KLF12: variants seen among roughly 807,000 people sequenced by gnomAD.
KLF12 encodes the protein Krueppel-like factor 12.
KLF12 carries 9 observed loss-of-function variants against 37.8 expected under a neutral mutation model. The ratio of observed to expected loss-of-function variants is 0.24; its 90% CI spans 0.14 to 0.42. KLF12 has a LOEUF of 0.42. Among genes scored for constraint, KLF12 ranks in the 10% least tolerant of loss-of-function variants. The pLI is 1.00. For synonymous variants in KLF12, 208 were observed against 202.1 expected (o/e 1.03, Z -0.25); for missense variants, 411 against 516.0 (o/e 0.80, Z 1.97).
chr13:74,020,432 G>A (rs936119546), intron 1 of KLF12, among the ~76,000 whole-genome samples: 1 of 152,176 alleles, frequency 6.6e-6, no homozygotes, highest in African/African-American at 2.4e-5. Flanking sequence ...CGAATAGGAA[G>A]CTTGACAAAA....
chr13:74,224,593 T>C, the KLF12 span, among the ~76,000 whole-genome samples: 58 of 152,320 alleles, frequency 3.8e-4, 1 homozygote, highest in Middle Eastern at 3.4e-3. Context: ...TTGTAGCATA[T>C]AATTGCTTGG....
intron 5 of KLF12, among the ~76,000 whole-genome samples, chr13:73,775,138 G>A (rs193183958): frequency 4.6e-5 from 7 of 152,082 alleles, no homozygotes; most frequent in South Asian, 4.2e-4. Context: ...GGCTGGGCTC[G>A]AACTCCTGAC....
chr13:74,161,535 A>T, the KLF12 span, among the ~76,000 whole-genome samples: 4 of 152,168 alleles, frequency 2.6e-5, no homozygotes, highest in Non-Finnish European at 5.9e-5. Context: ...GGAGGAAGAC[A>T]TGGAACAGAT....
chr13:73,828,872 G>A lies in KLF12; in HGVS notation c.671-15585C>T, dbSNP rs75875588. The stretch of plus-strand genomic sequence containing the variant: ...TGTCGAATCTATCTACCAGGATACA[G>A]TATGCCCTTTTGTATTTCCAAGAGT... On this transcript the variant is annotated intron_variant, in intron 4 of 7. Coordinates refer to ENST00000377669, the MANE Select transcript of KLF12 (RefSeq NM_007249.5). 8.5e-3 allele frequency among the ~76,000 whole-genome samples: 1,266 copies of A among 149,820 alleles called. 19 individuals are homozygous for A. Among genetic ancestry groups the A allele is most frequent in the African/African-American group, 0.029 (1,193 of 40,940 alleles).
chr13:73,799,648 A>G (rs9573292), intron 5 of KLF12, among the ~76,000 whole-genome samples: 74,450 of 151,834 alleles, frequency 0.49, 18,489 homozygotes, highest in East Asian at 0.64. Flanking sequence ...AATGTACCCA[A>G]TAAAAGATGA....
chr13:73,972,749 A>G (rs1391110353), intron 2 of KLF12, among the ~76,000 whole-genome samples: 1 of 150,756 alleles, frequency 6.6e-6, no homozygotes, highest in Non-Finnish European at 1.5e-5. Context: ...GCCCTTCTGC[A>G]CTCTAAAGAC....
intron 6 of KLF12, among the ~76,000 whole-genome samples, chr13:73,749,337 T>C (rs1878584855): frequency 6.6e-6 from 1 of 152,228 alleles, no homozygotes; most frequent in African/African-American, 2.4e-5. Flanking sequence ...TTAAATCTCA[T>C]TCTAAATCCT....
the KLF12 span, among the ~76,000 whole-genome samples, chr13:74,267,340 C>A: frequency 1.3e-5 from 2 of 152,156 alleles, no homozygotes; most frequent in Admixed American, 6.5e-5. Flanking sequence ...GATGTGGAAG[C>A]AAACTAAGTG....
At chr13:73,920,767 G>A (rs1889076992) in intron 3 of KLF12, among the ~76,000 whole-genome samples, 1 of 151,800 alleles carries the variant, frequency 6.6e-6, no homozygotes, top group African/African-American at 2.4e-5. Flanking sequence ...TCTCCTGTTG[G>A]GGTTCAGAAA....
intron 5 of KLF12, among the ~76,000 whole-genome samples, chr13:73,767,966 C>T (rs2138095624): frequency 6.6e-6 from 1 of 152,286 alleles, no homozygotes; most frequent in African/African-American, 2.4e-5. Flanking sequence ...ATCATCAGCA[C>T]TCATGAATTG....
At chr13:73,840,286 T>C (rs539335022) in intron 4 of KLF12, among the ~76,000 whole-genome samples, 1 of 152,256 alleles carries the variant, frequency 6.6e-6, no homozygotes, top group South Asian at 2.1e-4. Context: ...CCTCTTCACT[T>C]TCTAACCTCA....
chr13:74,151,870 A>G, the KLF12 span, among the ~76,000 whole-genome samples: 1 of 152,182 alleles, frequency 6.6e-6, no homozygotes, highest in African/African-American at 2.4e-5. Flanking sequence ...AAAGTAACCA[A>G]CCAAAAATAA....
chr13:74,217,165 C>CT, the KLF12 span, among the ~76,000 whole-genome samples: 1,802 of 151,774 alleles, frequency 0.012, 41 homozygotes, highest in African/African-American at 0.041. Flanking sequence ...TTAGATGATT[C>CT]TTTTTTTTGA....
chr13:73,788,311 A>G (rs1013689759), intron 5 of KLF12, among the ~76,000 whole-genome samples: 1 of 152,210 alleles, frequency 6.6e-6, no homozygotes, highest in African/African-American at 2.4e-5. Flanking sequence ...TACAGTAGGG[A>G]ATCTGAGGAG....
At chr13:73,891,735 G>T (rs1411193896) in intron 3 of KLF12, among the ~76,000 whole-genome samples, 4 of 152,038 alleles carry the variant, frequency 2.6e-5, no homozygotes, top group Non-Finnish European at 5.9e-5. Flanking sequence ...GATACAGTTG[G>T]TGCTGCATAT....
intron 5 of KLF12, among the ~76,000 whole-genome samples, chr13:73,806,115 T>C (rs201862598): frequency 1.0e-5 from 1 of 100,260 alleles, no homozygotes; most frequent in Non-Finnish European, 2.2e-5. Flanking sequence ...TTTTTTTCTT[T>C]CTTTTTTTTT....
intron 4 of KLF12, among the ~76,000 whole-genome samples, chr13:73,820,167 G>C (rs1157229768): frequency 6.6e-6 from 1 of 152,094 alleles, no homozygotes; most frequent in Non-Finnish European, 1.5e-5. Flanking sequence ...GAGCATAGTG[G>C]GGGATTCAGC....
chr13:73,769,696 G>C (rs780763925), intron 5 of KLF12, among the ~76,000 whole-genome samples: 20 of 151,802 alleles, frequency 1.3e-4, no homozygotes, highest in African/African-American at 2.9e-4. Flanking sequence ...TTCTCTGAAA[G>C]AAACAAACAA....
At chr13:73,782,829 T>C (rs1486478846) in intron 5 of KLF12, among the ~76,000 whole-genome samples, 1 of 152,244 alleles carries the variant, frequency 6.6e-6, no homozygotes, top group Non-Finnish European at 1.5e-5. Context: ...AAGAGTTCTC[T>C]ACTGTGTCTG....
Sources: allele counts gnomAD v4.1 joint callset (sites outside exome capture counted in the v4.1 genomes callset), GRCh38; gene constraint gnomAD v4.1.1; transcripts MANE v1.5; gene names NCBI Gene and HGNC (gene_info 2026-07-23, HGNC 2026-07-21).